Variants in DIABLO observed in about 807,000 individuals in gnomAD.
The protein encoded by DIABLO is diablo homolog, mitochondrial.
A neutral mutation model predicts 31.7 loss-of-function variants in DIABLO; 32 were observed. The ratio of observed to expected loss-of-function variants is 1.01; its 90% CI spans 0.76 to 1.35. DIABLO has a LOEUF of 1.35. DIABLO is among the 40% of genes most tolerant of loss of function. The pLI is 0.00. For missense variants in DIABLO, 316 were observed against 286.4 expected (o/e 1.10, Z -0.75); for synonymous variants, 132 against 103.2 (o/e 1.28, Z -1.69).
At chr12:122,214,103 A>AAACT (rs1281620270) in intron 5 of DIABLO, among the ~76,000 whole-genome samples, 1 of 152,076 alleles carries the variant, frequency 6.6e-6, no homozygotes, top group Non-Finnish European at 1.5e-5. Context: ...ACAAACAAAA[A>AAACT]AACTAACAAC....
chr12:122,227,169 C>T (rs1277345115), upstream of DIABLO, among the ~76,000 whole-genome samples: 1 of 152,186 alleles, frequency 6.6e-6, no homozygotes, highest in African/African-American at 2.4e-5. Flanking sequence ...CCTGGGCTCA[C>T]CCCCGCCACC....
At chr12:122,215,810 G>A (rs1201885770) in intron 5 of DIABLO, among the ~76,000 whole-genome samples, 18 of 151,172 alleles carry the variant, frequency 1.2e-4, no homozygotes. Flanking sequence ...GCCAAGGTGG[G>A]TAGACTGCTT....
intron 2 of DIABLO, among the ~76,000 whole-genome samples, chr12:122,219,804 A>G (rs774671449): frequency 1.8e-4 from 27 of 148,686 alleles, no homozygotes; most frequent in Non-Finnish European, 4.0e-4. Context: ...TGGAGGTTGC[A>G]GTGAGAGCCA....
chr12:122,208,800 G>A (rs776122803), intron 5 of DIABLO: 23 of 650,024 alleles, frequency 3.5e-5, no homozygotes, highest in Non-Finnish European at 5.4e-5. Context: ...AGCTGTCAGC[G>A]GCCAACATCA....
Position 122,224,664 on chromosome 12 carries a change from T to A in DIABLO, c.51-20A>T, listed in dbSNP as rs747687748. 5 of 1,614,114 alleles carry A rather than the reference T, an allele frequency of 3.1e-6. No homozygotes were observed. The South Asian group carries it at 5.5e-5, about 18-fold the overall frequency. On this transcript the variant is annotated intron_variant, in intron 1 of 5. Coordinates refer to ENST00000464942, the MANE Select transcript of DIABLO (RefSeq NM_001371333.1). ...CTGTACCTGGAAGTAGAAGTCAGAT[T>A]TCATAAGGCACGACCGCCAATCTGT...
At chr12:122,218,059 C>G (rs918130660) in intron 3 of DIABLO, among the ~76,000 whole-genome samples, 1 of 151,892 alleles carries the variant, frequency 6.6e-6, no homozygotes, top group African/African-American at 2.4e-5. Context: ...TTTGAAGGGC[C>G]TGACAGTAAA....
intron 5 of DIABLO, chr12:122,209,667 C>CCA (rs1566020937): frequency 1.7e-5 from 9 of 529,124 alleles, no homozygotes; most frequent in Non-Finnish European, 2.8e-5. Context: ...GTCTCCCCCC[C>CCA]AAAAAAAAAA....
rs1185557077 is a variant in DIABLO at position 122,207,813 on chromosome 12, G to C, written c.*568C>G. On this transcript the variant is annotated 3_prime_UTR_variant, in exon 6 of 6. Transcript: ENST00000464942. ...TGTTAAGTCCTGTTGAGAGCACCAG[G>C]TAAACACTCTGCACCCCTTCTCTTA... 1 of 464,822 alleles carries C rather than the reference G, an allele frequency of 2.2e-6. No homozygotes were observed. The highest frequency in any genetic ancestry group is 2.3e-5 in the Admixed American group (1 of 42,834). 28.8% of individuals were successfully genotyped at this position (464,822 alleles called of 1,614,324 possible).
intron 2 of DIABLO, chr12:122,218,738 G>T (rs1377239444): frequency 2.9e-6 from 1 of 340,406 alleles, no homozygotes; most frequent in Middle Eastern, 1.0e-3. Flanking sequence ...TCAGGAGATT[G>T]AGACGATCCT....
At chr12:122,208,922 T>C (rs1791366417) in intron 5 of DIABLO, 1 of 382,430 alleles carries the variant, frequency 2.6e-6, no homozygotes, top group Admixed American at 3.6e-5. Context: ...GACAAAGAGA[T>C]CATGAATAAA....
chr12:122,218,610 A>G (rs1037340039), intron 2 of DIABLO: 1 of 593,788 alleles, frequency 1.7e-6, no homozygotes, highest in Admixed American at 3.0e-5. Flanking sequence ...ACCAACTTTC[A>G]TTCTCTGCTC....
chr12:122,218,468 A>C, intron 2 of DIABLO, 71 bp from the exon 3 acceptor site: 1 of 1,596,754 alleles, frequency 6.3e-7, no homozygotes, highest in Non-Finnish European at 8.6e-7. Flanking sequence ...ATAGGCAAGC[A>C]AAAAACGTAA....
intron 5 of DIABLO, among the ~76,000 whole-genome samples, chr12:122,211,737 G>A (rs968686030): frequency 4.6e-5 from 7 of 152,066 alleles, no homozygotes; most frequent in Admixed American, 2.0e-4. Flanking sequence ...TTTTTTGGTT[G>A]TCTTGACCTG....
At chr12:122,224,681 C>G in intron 1 of DIABLO, 37 bp from the exon 2 acceptor site, 1 of 1,614,062 alleles carries the variant, frequency 6.2e-7, no homozygotes, top group Non-Finnish European at 8.5e-7. Context: ...GGCACGACCG[C>G]CAATCTGTAA....
intron 5 of DIABLO, among the ~76,000 whole-genome samples, chr12:122,211,177 A>T (rs1593168969): frequency 7.0e-6 from 1 of 143,710 alleles, no homozygotes; most frequent in South Asian, 2.3e-4. Flanking sequence ...AGGCAGGTGG[A>T]CTGCCTTAGC....
intron 1 of DIABLO, chr12:122,225,625 C>T (rs1206681249): frequency 3.9e-6 from 5 of 1,270,124 alleles, no homozygotes; most frequent in African/African-American, 1.5e-5. Context: ...CCTTCCCGGA[C>T]TCCCCCCATG....
intron 2 of DIABLO, chr12:122,222,608 C>G (rs564797689): frequency 6.6e-6 from 1 of 151,160 alleles, no homozygotes; most frequent in East Asian, 1.9e-4. Flanking sequence ...GAATCTAGAG[C>G]AGTGGTCCCC....
chr12:122,226,904 C>A (rs892828022), upstream of DIABLO, among the ~76,000 whole-genome samples: 6 of 152,210 alleles, frequency 3.9e-5, no homozygotes, highest in Non-Finnish European at 8.8e-5. Context: ...CGCTAATGCG[C>A]TGGTGGAGTA....
chr12:122,223,756 C>G (rs1254001908), intron 2 of DIABLO, among the ~76,000 whole-genome samples: 3 of 152,312 alleles, frequency 2.0e-5, no homozygotes, highest in Non-Finnish European at 4.4e-5. Flanking sequence ...CCACCTTTAT[C>G]TAAAACAAAA....
Sources: gnomAD v4.1 joint callset for allele counts (sites outside exome capture counted in the v4.1 genomes callset) on GRCh38, gnomAD v4.1.1 for gene constraint, MANE v1.5 for transcripts, NCBI Gene and HGNC (gene_info 2026-07-23, HGNC 2026-07-21) for gene names.